Variants in PERP observed in about 807,000 individuals in gnomAD.
PERP encodes p53 apoptosis effector related to PMP22, also known as p53 apoptosis effector related to PMP-22.
A neutral mutation model predicts 20.3 loss-of-function variants in PERP; 11 were observed. That is an observed-to-expected ratio of 0.54 (90% confidence interval 0.34 to 0.90). The LOEUF (loss-of-function observed/expected upper bound fraction) is 0.90. PERP is among the 40% of genes least tolerant of loss of function. PERP has a pLI of 0.02. For missense variants in PERP, 224 were observed against 249.4 expected, an observed-to-expected ratio of 0.90 and a Z score of 0.69; for synonymous variants, 101 against 102.0, an observed-to-expected ratio of 0.99 and a Z score of 0.06.
intron 1 of PERP, among the ~76,000 whole-genome samples, chr6:138,100,928 T>G (rs1775761528): frequency 6.6e-6 from 1 of 152,174 alleles, no homozygotes; most frequent in African/African-American, 2.4e-5. Flanking sequence ...AAAACTGAGT[T>G]TTTCCTAGGA....
chr6:138,092,373 A>G (rs889460218), intron 2 of PERP, 105 bp from the exon 3 acceptor site: 14 of 1,037,272 alleles, frequency 1.3e-5, no homozygotes, highest in Middle Eastern at 2.1e-4. Context: ...CTGCCTTGAA[A>G]TAAGTATAAA....
intron 1 of PERP, among the ~76,000 whole-genome samples, chr6:138,106,023 G>C (rs990730415): frequency 6.6e-6 from 1 of 152,226 alleles, no homozygotes; most frequent in Non-Finnish European, 1.5e-5. Flanking sequence ...AGGGCACCAA[G>C]TTGCTGATAT....
chr6:138,098,603 A>G (rs1233159772), intron 1 of PERP, among the ~76,000 whole-genome samples: 2 of 152,080 alleles, frequency 1.3e-5, no homozygotes, highest in East Asian at 3.9e-4. Flanking sequence ...TTGTTTCTCA[A>G]TCATCTGATG....
intron 2 of PERP, among the ~76,000 whole-genome samples, chr6:138,092,672 G>C (rs970440465): frequency 3.3e-5 from 5 of 152,040 alleles, no homozygotes; most frequent in Admixed American, 2.0e-4. Flanking sequence ...TATGTTCAGT[G>C]TTAGCAAAAA....
intron 1 of PERP, 111 bp from the exon 2 acceptor site, chr6:138,096,605 G>T: frequency 8.4e-7 from 1 of 1,197,154 alleles, no homozygotes; most frequent in Non-Finnish European, 1.1e-6. Context: ...AGTTACATTT[G>T]GATGGAGGGA....
rs529616351 is a variant in PERP, at chr6:138,102,671, C to A, written c.214+4456G>T. 5.9e-5 allele frequency among the ~76,000 whole-genome samples: 9 copies of A among 152,250 alleles called. No homozygotes were observed. In the South Asian group the frequency reaches 1.9e-3, roughly 32 times the overall value. ...GCACATGTGGAATGAATGGCCTGGA[C>A]TAGATTACTGGGTCTTAAACGTTCT... On this transcript the variant is annotated intron_variant, in intron 1 of 2. Transcript: ENST00000421351.
chr6:138,097,180 C>T (rs908364542), intron 1 of PERP, among the ~76,000 whole-genome samples: 1 of 152,106 alleles, frequency 6.6e-6, no homozygotes, highest in Non-Finnish European at 1.5e-5. Context: ...AATTATTTAC[C>T]TTTGCCCTAA....
chr6:138,105,134 C>T (rs952159828), intron 1 of PERP, among the ~76,000 whole-genome samples: 1 of 152,164 alleles, frequency 6.6e-6, no homozygotes, highest in Non-Finnish European at 1.5e-5. Flanking sequence ...GAGCAAGAGC[C>T]GTGTGTAATG....
In PERP at chr6:138,107,031, C is replaced by G; in HGVS notation, c.214+96G>C. 2 of 1,278,186 alleles carry G rather than the reference C, an allele frequency of 1.6e-6. No individual in the cohort carries two copies. The highest frequency in any genetic ancestry group is 1.4e-5 in the South Asian group (1 of 70,580). 79.2% of individuals were successfully genotyped at this position (1,278,186 alleles called of 1,614,324 possible). A position where few individuals can be genotyped will look rare whatever the true frequency, so the allele number is the denominator to read the frequency against. ...GCATTCTGAAAAGCACTGGCTCCCC[C>G]GACCCTGTGAGGGCCCATCACGCGC... On this transcript the variant is annotated intron_variant, in intron 1 of 2. Coordinates refer to ENST00000421351, the MANE Select transcript of PERP (RefSeq NM_022121.5). The surrounding 1 kb of genome is among the most constrained non-coding windows in gnomAD (Gnocchi z 4.8).
rs1480114730 is a variant in PERP, at chr6:138,088,582, T to C, written c.*3460A>G. 6.6e-6 allele frequency: 1 copy of C among 152,184 alleles called. No individual in the cohort carries two copies. Among genetic ancestry groups the C allele is most frequent in the Non-Finnish European group, 1.5e-5 (1 of 68,024 alleles). 9.4% of individuals were successfully genotyped at this position (152,184 alleles called of 1,614,324 possible). A position where few individuals can be genotyped will look rare whatever the true frequency, so the allele number is the denominator to read the frequency against. On this transcript the variant is annotated 3_prime_UTR_variant, in exon 3 of 3. Coordinates refer to ENST00000421351, the MANE Select transcript of PERP (RefSeq NM_022121.5). ...ACAACGAAGCACAGGATAGTACAAGTGGAAGATCATTAACATGACTGGATA... is the reference window on the plus strand; with the variant it reads ...ACAACGAAGCACAGGATAGTACAAGCGGAAGATCATTAACATGACTGGATA...
intron 1 of PERP, among the ~76,000 whole-genome samples, chr6:138,106,888 A>G (rs1451915642): frequency 5.6e-5 from 8 of 144,046 alleles, no homozygotes; most frequent in Admixed American, 2.8e-4. Flanking sequence ...AAAACTATAC[A>G]GTTTGAACTA....
intron 1 of PERP, among the ~76,000 whole-genome samples, chr6:138,105,731 C>T (rs1335614250): frequency 1.3e-5 from 2 of 152,226 alleles, no homozygotes; most frequent in East Asian, 1.9e-4. Flanking sequence ...AAAACACACA[C>T]GCAGATCTGT....
intron 2 of PERP, among the ~76,000 whole-genome samples, 196 bp downstream of exon 2, chr6:138,096,158 C>T (rs1775687329): frequency 6.6e-6 from 1 of 152,176 alleles, no homozygotes. Flanking sequence ...GACTACAGAA[C>T]ACTGCGTGAG....
Position 138,107,008 on chromosome 6 carries a change from A to G in PERP, c.214+119T>C, listed in dbSNP as rs956613326. The G allele has an allele frequency of 7.9e-6, 8 of 1,014,568 alleles. No individual in the cohort carries two copies. The Admixed American group carries it at 1.7e-4, about 22-fold the overall frequency. 62.8% of individuals were successfully genotyped at this position (1,014,568 alleles called of 1,614,324 possible). On this transcript the variant is annotated intron_variant, in intron 1 of 2. Transcript: ENST00000421351. This position sits in a 1 kb window ranked among gnomAD's most constrained non-coding sequence, Gnocchi z 4.8. ...GAGCCCGAGCTCGTCCTAAACAGGCATTCTGAAAAGCACTGGCTCCCCCGA... is the reference window on the plus strand; with the variant it reads ...GAGCCCGAGCTCGTCCTAAACAGGCGTTCTGAAAAGCACTGGCTCCCCCGA...
intron 1 of PERP, among the ~76,000 whole-genome samples, chr6:138,100,976 A>AT (rs1172450347): frequency 6.6e-6 from 1 of 152,168 alleles, no homozygotes; most frequent in African/African-American, 2.4e-5. Flanking sequence ...AGCATGCTGT[A>AT]TTTTTTTCCA....
At position 138,090,302 on chromosome 6, in the gene PERP, A is replaced by G. The variant is rs1775557148; in HGVS notation, c.*1740T>C. On this transcript the variant is annotated 3_prime_UTR_variant, in exon 3 of 3. Coordinates refer to ENST00000421351, the MANE Select transcript of PERP (RefSeq NM_022121.5). Reference sequence around the variant, plus strand: ...CCAGCCTCTCTGCACCCATCCTCACAATGACATACACCATAGTGGAAGTAA... The same window carrying G: ...CCAGCCTCTCTGCACCCATCCTCACGATGACATACACCATAGTGGAAGTAA... The G allele has an allele frequency of 2.0e-5, 3 of 152,136 alleles. No homozygotes were observed. Among genetic ancestry groups the G allele is most frequent in the South Asian group, 4.1e-4 (2 of 4,822 alleles). 9.4% of individuals were successfully genotyped at this position (152,136 alleles called of 1,614,324 possible). A position where few individuals can be genotyped will look rare whatever the true frequency, so the allele number is the denominator to read the frequency against.
Position 138,092,102 on chromosome 6 carries a change from G to A in PERP, c.522C>T (p.Pro174=). The change falls in exon 3 of 3, where the codon CCC becomes CCT. Residue 174 remains proline, a synonymous_variant. Transcript: ENST00000421351. ...IGCAFFFCCL[P]NYEDDLLGNA... ...TGCCCAGAAGGTCATCTTCGTAGTT[G>A]GGGAGGCAGCAGAAGAAGAAGGCAC... 3.7e-6 allele frequency: 6 copies of A among 1,614,128 alleles called. No homozygotes were observed. The highest frequency in any genetic ancestry group is 4.2e-6 in the Non-Finnish European group (5 of 1,179,996).
chr6:138,103,038 G>A (rs575498579), intron 1 of PERP, among the ~76,000 whole-genome samples: 42 of 151,260 alleles, frequency 2.8e-4, no homozygotes, highest in African/African-American at 9.7e-4. Flanking sequence ...GGCGGAGCTT[G>A]CAGTGAGCAG....
intron 2 of PERP, among the ~76,000 whole-genome samples, chr6:138,095,721 C>T (rs975769329): frequency 2.6e-5 from 4 of 152,180 alleles, no homozygotes; most frequent in African/African-American, 4.8e-5. Flanking sequence ...ACTAAAATTT[C>T]CAATAATTCT....
Sources: allele counts gnomAD v4.1 joint callset (sites outside exome capture counted in the v4.1 genomes callset), GRCh38; gene constraint gnomAD v4.1.1; non-coding constraint Gnocchi (gnomAD v3.1); transcripts MANE v1.5; gene names NCBI Gene and HGNC (gene_info 2026-07-23, HGNC 2026-07-21).